ATAD2B: variants seen among roughly 807,000 people sequenced by gnomAD.
ATAD2B encodes the protein ATPase family AAA domain-containing protein 2B.
ATAD2B carries 40 observed loss-of-function variants against 167.6 expected under a neutral mutation model. The ratio of observed to expected loss-of-function variants is 0.24; its 90% CI spans 0.19 to 0.31. The LOEUF is 0.31. ATAD2B is among the 10% of genes least tolerant of loss of function. The pLI, the probability that ATAD2B is intolerant of heterozygous loss-of-function variation, is 1.00. For missense variants in ATAD2B, 1,242 were observed against 1,757.2 expected, an observed-to-expected ratio of 0.71 and a Z score of 5.24; for synonymous variants, 579 against 596.5, an observed-to-expected ratio of 0.97 and a Z score of 0.43.
intron 13 of ATAD2B, among the ~76,000 whole-genome samples, chr2:23,841,610 G>C (rs1690922682): frequency 6.6e-6 from 1 of 152,046 alleles, no homozygotes; most frequent in Non-Finnish European, 1.5e-5. Context: ...TGACCTCCTA[G>C]GCTCAAGCAA....
At chr2:23,771,095 A>C (rs1678258077) in intron 22 of ATAD2B, among the ~76,000 whole-genome samples, 1 of 152,116 alleles carries the variant, frequency 6.6e-6, no homozygotes, top group African/African-American at 2.4e-5. Context: ...ATGTTATTTC[A>C]ATTTCCTGTT....
In ATAD2B at chr2:23,836,975, C is replaced by A. The variant is rs146543623; in HGVS notation, c.1569-2897G>T. ...TGGCCAACCTTCAGGCCCTCCCTAG[C>A]CTGAAGGTGGGTCTCACCACGGACC... On this transcript the variant is annotated intron_variant, in intron 13 of 27. Coordinates refer to ENST00000238789, the MANE Select transcript of ATAD2B (RefSeq NM_017552.4). 8.7e-4 allele frequency among the ~76,000 whole-genome samples: 132 copies of A among 152,256 alleles called. 4 individuals carry two copies. In the East Asian group the frequency reaches 0.025, roughly 29 times the overall value.
chr2:23,895,108 A>G (rs1393555592), intron 2 of ATAD2B, among the ~76,000 whole-genome samples: 1 of 152,178 alleles, frequency 6.6e-6, no homozygotes, highest in Non-Finnish European at 1.5e-5. Flanking sequence ...CAGCACTTCT[A>G]CTTTAAAGAG....
chr2:23,822,528 G>C (rs1687599526), intron 16 of ATAD2B, among the ~76,000 whole-genome samples: 1 of 151,992 alleles, frequency 6.6e-6, no homozygotes, highest in African/African-American at 2.4e-5. Flanking sequence ...CTAGGTGACA[G>C]AGTGAGACTC....
At chr2:23,784,256 T>C (rs1279808940) in intron 21 of ATAD2B, among the ~76,000 whole-genome samples, 4 of 152,116 alleles carry the variant, frequency 2.6e-5, no homozygotes, top group Non-Finnish European at 4.4e-5. Context: ...TTAACATTTA[T>C]TTTCTAAAGT....
intron 1 of ATAD2B, among the ~76,000 whole-genome samples, chr2:23,902,836 C>T (rs1392982145): frequency 6.6e-6 from 1 of 152,106 alleles, no homozygotes; most frequent in Admixed American, 6.6e-5. Context: ...GAGACCCAGG[C>T]GGTAGGATCC....
chr2:23,906,012 T>C (rs1361796053), intron 1 of ATAD2B, among the ~76,000 whole-genome samples: 1 of 152,062 alleles, frequency 6.6e-6, no homozygotes, highest in Non-Finnish European at 1.5e-5. Flanking sequence ...ATACACATTA[T>C]CGTTAGACCC....
the ATAD2B span, among the ~76,000 whole-genome samples, chr2:23,725,387 G>A: frequency 6.6e-6 from 1 of 152,172 alleles, no homozygotes; most frequent in Non-Finnish European, 1.5e-5. Flanking sequence ...AACAATAAAT[G>A]TCTGTGTAAA....
chr2:23,871,664 T>G (rs1695993314), intron 8 of ATAD2B, among the ~76,000 whole-genome samples: 1 of 152,156 alleles, frequency 6.6e-6, no homozygotes, highest in Non-Finnish European at 1.5e-5. Flanking sequence ...TCATTGTCAG[T>G]AATTTACTTC....
At chr2:23,767,887 C>G (rs1320792911) in intron 22 of ATAD2B, among the ~76,000 whole-genome samples, 1 of 141,880 alleles carries the variant, frequency 7.0e-6, no homozygotes, top group Non-Finnish European at 1.5e-5. Context: ...TATAAAGATG[C>G]AAAAACAAAC....
At chr2:23,854,357 T>TA (rs1222324958) in intron 13 of ATAD2B, among the ~76,000 whole-genome samples, 1 of 152,022 alleles carries the variant, frequency 6.6e-6, no homozygotes, top group East Asian at 1.9e-4. Flanking sequence ...AACATTAACG[T>TA]AAAATGAATC....
At chr2:23,792,292 C>G (rs768250077) in intron 19 of ATAD2B, among the ~76,000 whole-genome samples, 6 of 151,962 alleles carry the variant, frequency 3.9e-5, no homozygotes, top group African/African-American at 1.5e-4. Flanking sequence ...CGTGATCCAC[C>G]AGCCTCAGCC....
At chr2:23,705,479 T>A in the ATAD2B span, among the ~76,000 whole-genome samples, 12 of 150,842 alleles carry the variant, frequency 8.0e-5, no homozygotes, top group African/African-American at 2.9e-4. Context: ...TGACAGAGTA[T>A]GACTCCGTCT....
chr2:23,834,152 C>CTTTTTT lies in ATAD2B; in HGVS notation c.1569-80_1569-75dup, dbSNP rs11378615. 202 of 119,654 alleles carry CTTTTTT rather than the reference C, an allele frequency of 1.7e-3. 14 individuals are homozygous for CTTTTTT. Among genetic ancestry groups the CTTTTTT allele is most frequent in the African/African-American group, 2.5e-3 (46 of 18,462 alleles). 7.4% of individuals were successfully genotyped at this position (119,654 alleles called of 1,614,324 possible). A position where few individuals can be genotyped will look rare whatever the true frequency, so the allele number is the denominator to read the frequency against. On this transcript the variant is annotated intron_variant, in intron 13 of 27. Coordinates refer to ENST00000238789, the MANE Select transcript of ATAD2B (RefSeq NM_017552.4). ...CTTACAATAACGTTTATCAGTCTTTCTTTTTTTTTTTTTTTTTTTTTTTTT... is the reference window on the plus strand; with the variant it reads ...CTTACAATAACGTTTATCAGTCTTTCTTTTTTTTTTTTTTTTTTTTTTTTTTTTTTT...
chr2:23,751,110 A>G lies in ATAD2B; in HGVS notation c.*936T>C, dbSNP rs1675300882. 1 of 152,148 alleles carries G rather than the reference A, an allele frequency of 6.6e-6. No homozygotes were observed. The highest frequency in any genetic ancestry group is 2.1e-4 in the South Asian group (1 of 4,824). The allele number at this position is 152,148 out of a possible 1,614,324, so 9.4% of individuals were successfully genotyped here. ...GAATAACTATTAAATTGCCACTGAC[A>G]GAAGAAAAAATGGCCACTATCTATT... On this transcript the variant is annotated 3_prime_UTR_variant, in exon 28 of 28. Transcript: ENST00000238789.
chr2:23,780,302 T>A (rs2149380376), intron 22 of ATAD2B, among the ~76,000 whole-genome samples: 1 of 132,322 alleles, frequency 7.6e-6, no homozygotes, highest in South Asian at 2.5e-4. Flanking sequence ...TGTGTGTGTG[T>A]GTTATATAAA....
downstream of ATAD2B, among the ~76,000 whole-genome samples, chr2:23,745,660 C>T (rs866168744): frequency 2.2e-4 from 34 of 152,316 alleles, no homozygotes; most frequent in Admixed American, 1.3e-3. Context: ...GGACCAACAA[C>T]AGTACCTACC....
chr2:23,705,307 A>G, the ATAD2B span, among the ~76,000 whole-genome samples: 1 of 152,190 alleles, frequency 6.6e-6, no homozygotes, highest in African/African-American at 2.4e-5. Context: ...CCTGACCAAC[A>G]TGGTGAAACC....
chr2:23,763,330 G>T (rs1209175138), intron 23 of ATAD2B, among the ~76,000 whole-genome samples: 1 of 152,100 alleles, frequency 6.6e-6, no homozygotes, highest in Non-Finnish European at 1.5e-5. Flanking sequence ...TACTCCAACA[G>T]GTTTTTGTTC....
Sources: allele counts gnomAD v4.1 joint callset (sites outside exome capture counted in the v4.1 genomes callset), GRCh38; gene constraint gnomAD v4.1.1; transcripts MANE v1.5; gene names NCBI Gene and HGNC (gene_info 2026-07-23, HGNC 2026-07-21).